The following KMT2C variants were observed in gnomAD, a reference collection of about 807,000 sequenced individuals.
KMT2C encodes the protein lysine methyltransferase 2C.
A neutral mutation model predicts 507.9 loss-of-function variants in KMT2C; 88 were observed. That is an observed-to-expected ratio of 0.17 (90% confidence interval 0.15 to 0.21). The LOEUF is 0.21. KMT2C is among the 10% of genes least tolerant of loss of function. KMT2C has a pLI of 1.00. For synonymous variants in KMT2C, 2,049 were observed against 2,080.8 expected (o/e 0.98, Z 0.42); for missense variants, 4,954 against 5,957.8 (o/e 0.83, Z 5.55).
intron 1 of KMT2C, among the ~76,000 whole-genome samples, chr7:152,361,859 CATT>C (rs997975250): frequency 3.9e-5 from 6 of 152,068 alleles, no homozygotes; most frequent in Non-Finnish European, 8.8e-5. Context: ...GGTAACTAAT[CATT>C]AGAGAGATAT....
chr7:152,145,422 C>T lies in KMT2C; in HGVS notation c.14032-127G>A, dbSNP rs1484695639. On this transcript the variant is annotated intron_variant, in intron 53 of 58. Transcript: ENST00000262189. ...GCGTTTTCCCCGATAATAAAATGGT[C>T]TTCTAGCTTATGTTAACACTATTGG... is the stretch of plus-strand genomic sequence containing the variant. The T allele has an allele frequency of 4.4e-6, 4 of 917,820 alleles. No homozygotes were observed. In the East Asian group the frequency reaches 1.0e-4, roughly 23 times the overall value. The allele number at this position is 917,820 out of a possible 1,614,324, so 56.9% of individuals were successfully genotyped here.
At chr7:152,186,665 CTT>C (rs1213346437) in intron 33 of KMT2C, among the ~76,000 whole-genome samples, 3 of 152,134 alleles carry the variant, frequency 2.0e-5, no homozygotes, top group Admixed American at 1.3e-4. Context: ...GTTTGAATAA[CTT>C]TTTCAATCCT....
chr7:152,413,741 C>T (rs1251177095), intron 1 of KMT2C, among the ~76,000 whole-genome samples: 2 of 151,754 alleles, frequency 1.3e-5, no homozygotes, highest in South Asian at 2.1e-4. Context: ...AAAAATTAGC[C>T]AGGTGTGGTG....
chr7:152,315,106 C>G (rs1563831273), intron 4 of KMT2C, 32 bp downstream of exon 4: 1 of 1,534,962 alleles, frequency 6.5e-7, no homozygotes, highest in Non-Finnish European at 9.0e-7. Context: ...CAGTCTTAAT[C>G]TATTCCAACA....
chr7:152,328,749 C>T (rs917380104), intron 3 of KMT2C, among the ~76,000 whole-genome samples: 1 of 152,026 alleles, frequency 6.6e-6, no homozygotes, highest in Non-Finnish European at 1.5e-5. Flanking sequence ...AAATGTTAGG[C>T]AAGTTAAGAC....
intron 1 of KMT2C, among the ~76,000 whole-genome samples, chr7:152,433,253 A>T (rs975694128): frequency 5.9e-5 from 9 of 152,244 alleles, no homozygotes; most frequent in African/African-American, 2.2e-4. Context: ...TTTAGCAAAG[A>T]AGATTAATTT....
chr7:152,199,364 T>C lies in KMT2C; in HGVS notation c.4188A>G (p.Lys1396=), dbSNP rs201433194. 5.2e-5 allele frequency: 83 copies of C among 1,606,838 alleles called. No homozygotes were observed. Among genetic ancestry groups the C allele is most frequent in the Middle Eastern group, 3.3e-4 (2 of 6,044 alleles). ...CCAAGAAACCTGTGTTCATGTTTGT[T>C]TTATATAAAAGCTGAGCTCCATCTT... ...LSEDGAQLLY[K]TNMNTGFLDP... is the part of the protein sequence containing the mutation. Residue 1396 remains lysine (K), a synonymous_variant, in exon 27 of 59, where the codon AAA becomes AAG. Coordinates refer to ENST00000262189, the MANE Select transcript of KMT2C (RefSeq NM_170606.3).
chr7:152,251,826 A>T (rs1181731204), intron 11 of KMT2C, 113 bp downstream of exon 11: 1 of 621,698 alleles, frequency 1.6e-6, no homozygotes, highest in East Asian at 3.1e-5. Context: ...TGAGAACAAG[A>T]TGGAATCTGG....
At chr7:152,259,571 T>C (rs1280173343) in intron 9 of KMT2C, among the ~76,000 whole-genome samples, 1 of 152,094 alleles carries the variant, frequency 6.6e-6, no homozygotes, top group East Asian at 1.9e-4. Context: ...ATGGGTATTA[T>C]TTTTATTTTC....
At chr7:152,348,599 T>TAAAAAAAAA (rs201530125) in intron 2 of KMT2C, among the ~76,000 whole-genome samples, 14 of 48,990 alleles carry the variant, frequency 2.9e-4, no homozygotes, top group Non-Finnish European at 3.6e-4. Flanking sequence ...AACTCTGTCT[T>TAAAAAAAAA]AAAAAAAAAA....
chr7:152,162,438 G>A lies in KMT2C; in HGVS notation c.11139C>T (p.Ala3713=), dbSNP rs140482040. 5,399 of 1,614,186 alleles carry A rather than the reference G, an allele frequency of 3.3e-3. 13 individuals are homozygous for A. The highest frequency in any genetic ancestry group is 6.4e-3 in the Admixed American group (383 of 60,032). Reference sequence around the variant, plus strand: ...TTTCCAGTTTTATCTCTTCTGTTTTGGCAGGGGTTTCCATGGAGAGCTTGT... The same window carrying A: ...TTTCCAGTTTTATCTCTTCTGTTTTAGCAGGGGTTTCCATGGAGAGCTTGT... The part of the protein sequence containing the change: ...EVDKLSMETP[A]KTEEIKLEKA... Residue 3713 remains alanine, a synonymous_variant, in exon 43 of 59, where the codon GCC becomes GCT. Transcript: ENST00000262189.
At chr7:152,298,850 CA>C (rs1035013555) in intron 6 of KMT2C, among the ~76,000 whole-genome samples, 1 of 152,072 alleles carries the variant, frequency 6.6e-6, no homozygotes, top group African/African-American at 2.4e-5. Flanking sequence ...AGCAATAGCA[CA>C]AAGTGCACGA....
rs574558010 is a variant in KMT2C at position 152,349,100 on chromosome 7, C to T, written c.250+9487G>A. ...ATGGATAAACTCTGGTCCATCCAAA[C>T]AATACAATATTATTCAGCACTAAGA... On this transcript the variant is annotated intron_variant, in intron 2 of 58. Coordinates refer to ENST00000262189, the MANE Select transcript of KMT2C (RefSeq NM_170606.3). Among the ~76,000 whole-genome samples the T allele has an allele frequency of 2.6e-5, 4 of 152,216 alleles. No individual in the cohort carries two copies. The South Asian group carries it at 6.2e-4, about 24-fold the overall frequency.
rs182524639 is a variant in KMT2C, at chr7:152,213,790, G to T, written c.3713-6362C>A. On this transcript the variant is annotated intron_variant, in intron 23 of 58. Transcript: ENST00000262189. ...AACACCGGGGTGAAAAGGTAGCACA[G>T]GGATTAGGGGAAAATATTGGCAAAC... 3.2e-3 allele frequency among the ~76,000 whole-genome samples: 480 copies of T among 150,228 alleles called. 3 individuals carry two copies. The highest frequency in any genetic ancestry group is 0.011 in the African/African-American group (454 of 41,120).
At chr7:152,364,434 C>T (rs1476784899) in intron 1 of KMT2C, among the ~76,000 whole-genome samples, 1 of 151,808 alleles carries the variant, frequency 6.6e-6, no homozygotes, top group Non-Finnish European at 1.5e-5. Context: ...GGTGAAACCC[C>T]ATCTCTACTA....
intron 38 of KMT2C, among the ~76,000 whole-genome samples, chr7:152,175,742 T>A (rs1032298046): frequency 6.6e-6 from 1 of 152,164 alleles, no homozygotes. Context: ...ACTGCTTTCA[T>A]TCTAAAGCTC....
At position 152,220,473 on chromosome 7, in the gene KMT2C, T is replaced by C. The variant is rs763879078; in HGVS notation, c.3712+50A>G. ...TACACATATTTCAAAAGTTACTTTA[T>C]ATGCTTTAATTCTTGCACACATATT... is the stretch of plus-strand genomic sequence containing the variant. On this transcript the variant is annotated intron_variant, in intron 23 of 58. Coordinates refer to ENST00000262189, the MANE Select transcript of KMT2C (RefSeq NM_170606.3). 2.5e-5 allele frequency: 34 copies of C among 1,379,700 alleles called. No homozygotes were observed. The South Asian group carries it at 3.5e-4, about 14-fold the overall frequency. The allele number at this position is 1,379,700 out of a possible 1,614,324, so 85.5% of individuals were successfully genotyped here.
intron 7 of KMT2C, among the ~76,000 whole-genome samples, chr7:152,266,630 CAG>C (rs1336086007): frequency 3.9e-5 from 6 of 152,406 alleles, no homozygotes; most frequent in South Asian, 2.1e-4. Flanking sequence ...CATCTTGAAA[CAG>C]AGTAAAAATA....
In KMT2C at chr7:152,139,007, T is replaced by A. The variant is rs150056426; in HGVS notation, c.14535-103A>T. On this transcript the variant is annotated intron_variant, in intron 57 of 58. Transcript: ENST00000262189. The stretch of plus-strand genomic sequence containing the variant: ...GCAGTTTTTGCTAATTAAATTTCTA[T>A]TTGCCCATTGTTAGAAGCACAAATA... 211 of 1,056,664 alleles carry A rather than the reference T, an allele frequency of 2.0e-4. No individual in the cohort carries two copies. In the African/African-American group the frequency reaches 3.0e-3, roughly 15 times the overall value. 65.5% of individuals were successfully genotyped at this position (1,056,664 alleles called of 1,614,324 possible).
Sources: gnomAD v4.1 joint callset for allele counts (sites outside exome capture counted in the v4.1 genomes callset) on GRCh38, gnomAD v4.1.1 for gene constraint, MANE v1.5 for transcripts, NCBI Gene and HGNC (gene_info 2026-07-23, HGNC 2026-07-21) for gene names.